RHBDD2: variants seen among roughly 807,000 people sequenced by gnomAD.
RHBDD2 encodes rhomboid domain containing 2.
RHBDD2 carries 13 observed loss-of-function variants against 21.7 expected under a neutral mutation model. The ratio of observed to expected loss-of-function variants is 0.60; its 90% CI spans 0.39 to 0.95. The LOEUF (loss-of-function observed/expected upper bound fraction) is 0.95. Among genes scored for constraint, RHBDD2 ranks in the 40% least tolerant of loss-of-function variants. The pLI, the probability that RHBDD2 is intolerant of heterozygous loss-of-function variation, is 0.00. For missense variants in RHBDD2, 473 were observed against 478.9 expected (o/e 0.99, Z 0.11); for synonymous variants, 225 against 220.0 (o/e 1.02, Z -0.20).
intron 3 of RHBDD2, among the ~76,000 whole-genome samples, chr7:75,887,579 C>G (rs1355862033): frequency 3.3e-5 from 5 of 152,120 alleles, no homozygotes; most frequent in African/African-American, 1.2e-4. Flanking sequence ...CCGCCTTGGC[C>G]TCCCAAAGTG....
At chr7:75,887,671 C>G (rs1239978741) in intron 3 of RHBDD2, among the ~76,000 whole-genome samples, 2 of 152,058 alleles carry the variant, frequency 1.3e-5, no homozygotes, top group African/African-American at 4.8e-5. Flanking sequence ...CACACAGGCA[C>G]TGGCAGCTGT....
At chr7:75,884,096 T>C (rs2116021965) in intron 3 of RHBDD2, among the ~76,000 whole-genome samples, 1 of 152,262 alleles carries the variant, frequency 6.6e-6, no homozygotes, top group East Asian at 1.9e-4. Context: ...GGTTTCACCA[T>C]GTTGGCCAGG....
intron 3 of RHBDD2, among the ~76,000 whole-genome samples, chr7:75,885,720 C>A (rs1554543721): frequency 6.6e-6 from 1 of 152,030 alleles, no homozygotes; most frequent in Non-Finnish European, 1.5e-5. Flanking sequence ...GAGGGAGGTG[C>A]TGGGCTCTTA....
At chr7:75,887,052 A>G (rs1210187538) in intron 3 of RHBDD2, among the ~76,000 whole-genome samples, 1 of 151,654 alleles carries the variant, frequency 6.6e-6, no homozygotes, top group African/African-American at 2.4e-5. Flanking sequence ...GTCCAGGGCC[A>G]TGTCATGACA....
intron 2 of RHBDD2, among the ~76,000 whole-genome samples, chr7:75,883,218 A>G (rs1805435062): frequency 6.6e-6 from 1 of 152,114 alleles, no homozygotes; most frequent in African/African-American, 2.4e-5. Flanking sequence ...AGGCACAGTG[A>G]GTAGAAACCT....
intron 2 of RHBDD2, 81 bp from the exon 3 acceptor site, chr7:75,883,617 T>C: frequency 8.0e-7 from 1 of 1,254,040 alleles, no homozygotes. Flanking sequence ...GTAGAGTGAG[T>C]GGGAACCTGT....
At position 75,882,092 on chromosome 7, in the gene RHBDD2, G is replaced by C; in HGVS notation, c.442G>C (p.Val148Leu). ...VAFAMLGVTT[V>L]RSRMRRALVF... ...CTTTGCCATGCTGGGAGTCACCACC[G>C]TCCGTTCTCGGATGAGGCGGGCCCT... Residue 148 changes from valine (V) to leucine (L), a missense_variant, in exon 2 of 4, where the codon GTC becomes CTC. By Grantham distance (32) the Val-to-Leu change is conservative (BLOSUM62 1). Transcript: ENST00000006777. 1.2e-6 allele frequency: 2 copies of C among 1,614,188 alleles called. No individual in the cohort carries two copies. Among genetic ancestry groups the C allele is most frequent in the Non-Finnish European group, 1.7e-6 (2 of 1,180,036 alleles).
chr7:75,887,123 G>C (rs73359783), intron 3 of RHBDD2, among the ~76,000 whole-genome samples: 32,575 of 148,430 alleles, frequency 0.22, 4,255 homozygotes, highest in African/African-American at 0.36. Context: ...AGAGGCTCTT[G>C]TTGATAGATA....
At chr7:75,885,075 C>T (rs1195835740) in intron 3 of RHBDD2, among the ~76,000 whole-genome samples, 1 of 148,378 alleles carries the variant, frequency 6.7e-6, no homozygotes, top group African/African-American at 2.5e-5. Context: ...GATCACACCA[C>T]AGCACTCCAG....
intron 3 of RHBDD2, among the ~76,000 whole-genome samples, chr7:75,884,602 A>G (rs189579521): frequency 2.4e-3 from 368 of 152,350 alleles, no homozygotes; most frequent in Non-Finnish European, 3.7e-3. Flanking sequence ...GAGGTGCGGC[A>G]GATTGGAAAA....
chr7:75,886,630 C>T (rs560768067), intron 3 of RHBDD2, among the ~76,000 whole-genome samples: 14 of 152,038 alleles, frequency 9.2e-5, no homozygotes, highest in African/African-American at 2.4e-4. Flanking sequence ...CTGGCTAACA[C>T]GGTGAAACCC....
chr7:75,879,760 C>T (rs1805209483), intron 1 of RHBDD2, among the ~76,000 whole-genome samples: 1 of 152,200 alleles, frequency 6.6e-6, no homozygotes, highest in Non-Finnish European at 1.5e-5. Context: ...ATTTCTTCTG[C>T]TTTTTCATCT....
intron 3 of RHBDD2, among the ~76,000 whole-genome samples, chr7:75,885,976 C>T (rs1167770511): frequency 6.6e-6 from 1 of 152,172 alleles, no homozygotes. Flanking sequence ...AAGTGATTCT[C>T]CTGTCTCAGC....
intron 1 of RHBDD2, among the ~76,000 whole-genome samples, chr7:75,880,944 CT>C (rs544224502): frequency 2.6e-4 from 39 of 152,204 alleles, no homozygotes; most frequent in African/African-American, 9.4e-4. Flanking sequence ...CTAGGCTGGT[CT>C]TGAACTCCTG....
Position 75,879,404 on chromosome 7 carries a change from C to G in RHBDD2, c.178+144C>G, listed in dbSNP as rs980255331. The G allele has an allele frequency of 4.1e-5, 30 of 733,228 alleles. No individual in the cohort carries two copies. In the African/African-American group the frequency reaches 4.5e-4, roughly 11 times the overall value. 45.4% of individuals were successfully genotyped at this position (733,228 alleles called of 1,614,324 possible). ...CGGTCCTCATCACCATGCCCGCCCC[C>G]CGGAGGACCGACCTCCAGCACCGTC... On this transcript the variant is annotated intron_variant, in intron 1 of 3. Coordinates refer to ENST00000006777, the MANE Select transcript of RHBDD2 (RefSeq NM_001040456.3).
At chr7:75,879,480 C>T (rs529222642) in intron 1 of RHBDD2, among the ~76,000 whole-genome samples, 3 of 152,240 alleles carry the variant, frequency 2.0e-5, no homozygotes, top group African/African-American at 7.2e-5. Context: ...TCTTCGTCAT[C>T]ACTGTAATCC....
Position 75,882,175 on chromosome 7 carries a change from G to A in RHBDD2, c.525G>A (p.Ser175=), listed in dbSNP as rs374702528. The A allele has an allele frequency of 3.0e-5, 48 of 1,614,128 alleles. No homozygotes were observed. The Admixed American group carries it at 3.0e-4, about 10-fold the overall frequency. Residue 175 remains serine (S), a synonymous_variant, in exon 2 of 4, where the codon TCG becomes TCA. Transcript: ENST00000006777. ...VLVPWLLLGA[S]WLIPQTSFLS... ...TTCCGTGGCTCCTGCTGGGTGCCTC[G>A]TGGCTCATTCCCCAGACCTCTTTCC...
chr7:75,879,688 A>G (rs913220200), intron 1 of RHBDD2, among the ~76,000 whole-genome samples: 3 of 152,128 alleles, frequency 2.0e-5, no homozygotes, highest in Non-Finnish European at 2.9e-5. Flanking sequence ...CATCACGACA[A>G]TTGGACTTTA....
At position 75,888,703 on chromosome 7, in the gene RHBDD2, T is replaced by C. The variant is rs879951042; in HGVS notation, c.*354T>C. ...ACCATTCCTCCCTGTGGCTGTGCCGTGCTCGTGGTTTCAGTGTCCGTGTGT... is the reference window on the plus strand; with the variant it reads ...ACCATTCCTCCCTGTGGCTGTGCCGCGCTCGTGGTTTCAGTGTCCGTGTGT... On this transcript the variant is annotated 3_prime_UTR_variant, in exon 4 of 4. Coordinates refer to ENST00000006777, the MANE Select transcript of RHBDD2 (RefSeq NM_001040456.3). 1 of 285,290 alleles carries C rather than the reference T, an allele frequency of 3.5e-6. No homozygotes were observed. Among genetic ancestry groups the C allele is most frequent in the South Asian group, 4.7e-5 (1 of 21,152 alleles). 17.7% of individuals were successfully genotyped at this position (285,290 alleles called of 1,614,324 possible).
Sources: gnomAD v4.1 joint callset for allele counts (sites outside exome capture counted in the v4.1 genomes callset) on GRCh38, gnomAD v4.1.1 for gene constraint, MANE v1.5 for transcripts, NCBI Gene and HGNC (gene_info 2026-07-23, HGNC 2026-07-21) for gene names.